Variants in FTO observed in about 807,000 individuals in gnomAD.
The protein encoded by FTO is FTO alpha-ketoglutarate dependent dioxygenase.
In FTO, 47 loss-of-function variants were observed where a neutral mutation model predicts 63.9. The ratio of observed to expected loss-of-function variants is 0.74; its 90% CI spans 0.58 to 0.94. The LOEUF (loss-of-function observed/expected upper bound fraction) is 0.94, where lower values mean the gene tolerates loss of function less well. Among genes scored for constraint, FTO ranks in the 40% least tolerant of loss-of-function variants. FTO has a pLI of 0.00. For synonymous variants in FTO, 207 were observed against 224.4 expected (o/e 0.92, Z 0.69); for missense variants, 562 against 618.1 (o/e 0.91, Z 0.96).
intron 2 of FTO, among the ~76,000 whole-genome samples, chr16:53,813,274 C>T (rs1369961302): frequency 6.6e-6 from 1 of 151,202 alleles, no homozygotes. Context: ...TGCAGTGGTG[C>T]AATATCAGCT....
At chr16:53,966,635 G>C (rs945066915) in intron 8 of FTO, among the ~76,000 whole-genome samples, 7 of 152,122 alleles carry the variant, frequency 4.6e-5, no homozygotes, top group African/African-American at 1.7e-4. Flanking sequence ...GCCTTCCAAA[G>C]CTCCCTTTTA....
chr16:53,988,772 T>A (rs1233530388), intron 8 of FTO, among the ~76,000 whole-genome samples: 3 of 147,626 alleles, frequency 2.0e-5, no homozygotes, highest in Non-Finnish European at 4.5e-5. Context: ...CTTGGCCATC[T>A]GGCAACCAAG....
At chr16:53,994,574 G>C (rs1266655806) in intron 8 of FTO, 2 of 152,036 alleles carry the variant, frequency 1.3e-5, no homozygotes, top group Non-Finnish European at 2.9e-5. Flanking sequence ...TATTGCCCAG[G>C]CTGGTCTCAA....
chr16:54,018,452 T>A (rs370653932), intron 8 of FTO, among the ~76,000 whole-genome samples: 173 of 133,656 alleles, frequency 1.3e-3, no homozygotes, highest in African/African-American at 4.0e-3. Flanking sequence ...ATACATACAT[T>A]CATTCATGTG....
At chr16:53,848,053 C>A (rs72805646) in intron 4 of FTO, among the ~76,000 whole-genome samples, 15,282 of 152,118 alleles carry the variant, frequency 0.1, 961 homozygotes, top group Non-Finnish European at 0.14. Context: ...AAAGTCTGCA[C>A]TTAGAATATA....
In FTO at chr16:54,105,438, G is replaced by A. The variant is rs2540777; in HGVS notation, c.1365-6324G>A. Among the ~76,000 whole-genome samples the A allele has an allele frequency of 2.0e-3, 299 of 152,246 alleles. 3 individuals carry two copies. Among genetic ancestry groups the A allele is most frequent in the African/African-American group, 6.6e-3 (275 of 41,540 alleles). On this transcript the variant is annotated intron_variant, in intron 8 of 8. Transcript: ENST00000471389. ...TGGAAATCCATGAAAAAGATGGAAC[G>A]GAGTGAAAAGGGCAGCCAGCCAGAT...
At chr16:53,846,653 T>C (rs1377349311) in intron 4 of FTO, among the ~76,000 whole-genome samples, 1 of 151,760 alleles carries the variant, frequency 6.6e-6, no homozygotes, top group African/African-American at 2.4e-5. Flanking sequence ...AAATAAAAAA[T>C]TAGCTGGGTG....
At chr16:53,935,485 C>G (rs1039861862) in intron 8 of FTO, 2 of 152,144 alleles carry the variant, frequency 1.3e-5, no homozygotes, top group African/African-American at 4.8e-5. Context: ...TTTAAAAATT[C>G]CCAATGATAT....
intron 8 of FTO, among the ~76,000 whole-genome samples, chr16:54,108,320 A>G (rs1432200311): frequency 6.6e-6 from 1 of 152,224 alleles, no homozygotes; most frequent in East Asian, 1.9e-4. Flanking sequence ...AATGCCTTTT[A>G]TCAATCCTAG....
At chr16:53,986,720 A>G (rs2083676653) in intron 8 of FTO, among the ~76,000 whole-genome samples, 1 of 152,126 alleles carries the variant, frequency 6.6e-6, no homozygotes, top group Admixed American at 6.6e-5. Context: ...TGAAACCCAG[A>G]GTCTTTGTAT....
chr16:54,034,549 C>T (rs546662651), intron 8 of FTO, among the ~76,000 whole-genome samples: 232 of 152,194 alleles, frequency 1.5e-3, no homozygotes, highest in Middle Eastern at 3.4e-3. Flanking sequence ...GTAGTGTGTC[C>T]TGGAACCTGT....
chr16:53,833,002 T>G (rs745746059), intron 3 of FTO, among the ~76,000 whole-genome samples: 3 of 152,214 alleles, frequency 2.0e-5, no homozygotes, highest in Non-Finnish European at 4.4e-5. Flanking sequence ...AAATATCAAC[T>G]TGAATTGTAT....
intron 8 of FTO, among the ~76,000 whole-genome samples, chr16:53,980,646 G>T (rs2083520982): frequency 6.6e-6 from 1 of 152,196 alleles, no homozygotes; most frequent in African/African-American, 2.4e-5. Context: ...AAAACCTCTT[G>T]TTTATAAATC....
chr16:53,889,408 A>G (rs888226446), intron 7 of FTO, among the ~76,000 whole-genome samples: 3 of 152,206 alleles, frequency 2.0e-5, no homozygotes, highest in Non-Finnish European at 4.4e-5. Context: ...GTGGCACAGC[A>G]AGGTGGAAAC....
chr16:53,805,443 G>GTTT (rs10552956), intron 1 of FTO, among the ~76,000 whole-genome samples: 5 of 109,662 alleles, frequency 4.6e-5, no homozygotes, highest in Admixed American at 9.0e-5. Flanking sequence ...TTGAGTTGTG[G>GTTT]TTTTTTTTTT....
At chr16:53,925,255 A>G (rs1479475182) in intron 7 of FTO, among the ~76,000 whole-genome samples, 1 of 152,136 alleles carries the variant, frequency 6.6e-6, no homozygotes, top group African/African-American at 2.4e-5. Flanking sequence ...CAGTCAGAGC[A>G]TATCTTTGTA....
chr16:53,794,977 T>C (rs758302396), intron 1 of FTO, among the ~76,000 whole-genome samples: 1 of 152,174 alleles, frequency 6.6e-6, no homozygotes, highest in Admixed American at 6.5e-5. Context: ...CCAGATGAGA[T>C]GAATTTTTAC....
At chr16:53,881,726 C>T (rs550200107) in intron 6 of FTO, among the ~76,000 whole-genome samples, 3 of 152,332 alleles carry the variant, frequency 2.0e-5, no homozygotes, top group South Asian at 4.1e-4. Context: ...CTTTGGACTA[C>T]ATACATTGTT....
chr16:53,911,053 A>G (rs908154069), intron 7 of FTO, among the ~76,000 whole-genome samples: 5 of 152,240 alleles, frequency 3.3e-5, no homozygotes, highest in Non-Finnish European at 5.9e-5. Context: ...TGAAAATACC[A>G]GTTTGGAACT....
Sources: gnomAD v4.1 joint callset for allele counts (sites outside exome capture counted in the v4.1 genomes callset) on GRCh38, gnomAD v4.1.1 for gene constraint, MANE v1.5 for transcripts, NCBI Gene and HGNC (gene_info 2026-07-23, HGNC 2026-07-21) for gene names.